Variants in CALCB observed in about 807,000 individuals in gnomAD.
The protein encoded by CALCB is calcitonin gene-related peptide 2.
In CALCB, 8 loss-of-function variants were observed where a neutral mutation model predicts 10.7. The observed-to-expected ratio is 0.75, with a 90% confidence interval of 0.44 to 1.34. The LOEUF (loss-of-function observed/expected upper bound fraction) is 1.34, where lower values mean the gene tolerates loss of function less well. Ranked by LOEUF, CALCB falls within the 40% of genes most tolerant of loss-of-function variation. The pLI, the probability that CALCB is intolerant of heterozygous loss-of-function variation, is 0.01. For missense variants in CALCB, 176 were observed against 162.5 expected, an observed-to-expected ratio of 1.08 and a Z score of -0.45; for synonymous variants, 76 against 66.9, an observed-to-expected ratio of 1.14 and a Z score of -0.66.
intron 3 of CALCB, among the ~76,000 whole-genome samples, chr11:15,075,763 G>A (rs2133641078): frequency 6.6e-6 from 1 of 152,270 alleles, no homozygotes; most frequent in Non-Finnish European, 1.5e-5. Flanking sequence ...CAAGCTCTGT[G>A]GAGATGTGCA....
chr11:15,074,467 A>G (rs546385645), intron 1 of CALCB, among the ~76,000 whole-genome samples: 5 of 152,292 alleles, frequency 3.3e-5, no homozygotes, highest in Admixed American at 6.5e-5. Context: ...CTTCAACAAA[A>G]CAGAACCAAA....
chr11:15,073,959 C>A (rs961346216), intron 1 of CALCB, among the ~76,000 whole-genome samples: 1 of 152,246 alleles, frequency 6.6e-6, no homozygotes, highest in Non-Finnish European at 1.5e-5. Flanking sequence ...CCTGGCTGAG[C>A]GCAGGATTCT....
chr11:15,077,265 T>C, intron 3 of CALCB, 21 bp from the exon 4 acceptor site: 1 of 1,612,064 alleles, frequency 6.2e-7, no homozygotes, highest in Admixed American at 1.7e-5. Context: ...TCTTCTCTTC[T>C]TTCTCTATCT....
chr11:15,074,606 G>T, intron 1 of CALCB, 104 bp from the exon 2 acceptor site: 1 of 807,050 alleles, frequency 1.2e-6, no homozygotes. Flanking sequence ...AGAGGCTCAG[G>T]CAGCTGAAGT....
At chr11:15,077,153 C>T (rs1850402735) in intron 3 of CALCB, 133 bp from the exon 4 acceptor site, 1 of 938,828 alleles carries the variant, frequency 1.1e-6, no homozygotes, top group African/African-American at 1.6e-5. Flanking sequence ...CCCCTAACAG[C>T]TTTGATAATT....
chr11:15,074,375 G>A (rs1850374849), intron 1 of CALCB, among the ~76,000 whole-genome samples: 1 of 152,238 alleles, frequency 6.6e-6, no homozygotes, highest in African/African-American at 2.4e-5. Context: ...TCTACAGCAA[G>A]GTGCGTCCAC....
At position 15,074,565 on chromosome 11, in the gene CALCB, C is replaced by A. The variant is rs1850376379; in HGVS notation, c.-9-145C>A. ...TCACTGCAATGTGTCTCTTGAGATT[C>A]ACAGCAGCCCTTCCTGCAAATGAAG... is the stretch of plus-strand genomic sequence containing the variant. On this transcript the variant is annotated intron_variant, in intron 1 of 4. Transcript: ENST00000324229. The A allele has an allele frequency of 6.3e-6, 4 of 631,396 alleles. No individual in the cohort carries two copies. In the Admixed American group the frequency reaches 9.0e-5, roughly 14 times the overall value. The allele number at this position is 631,396 out of a possible 1,614,324, so 39.1% of individuals were successfully genotyped here.
rs376225126 is a variant in CALCB at position 15,075,027 on chromosome 11, C to T, written c.87-34C>T. On this transcript the variant is annotated intron_variant, in intron 2 of 4. Coordinates refer to ENST00000324229, the MANE Select transcript of CALCB (RefSeq NM_000728.4). ...TCCTGGGGAGGGTCAGTCAGGGGCT[C>T]ACAGCCTGCAAGGAGTTTGCTTCCC... 18 of 1,613,056 alleles carry T rather than the reference C, an allele frequency of 1.1e-5. No individual in the cohort carries two copies. In the African/African-American group the frequency reaches 2.4e-4, roughly 22 times the overall value.
At chr11:15,074,045 C>A (rs914881530) in intron 1 of CALCB, among the ~76,000 whole-genome samples, 1 of 152,232 alleles carries the variant, frequency 6.6e-6, no homozygotes, top group African/African-American at 2.4e-5. Flanking sequence ...AGGTCGGAAC[C>A]CTGAGCTTTC....
rs756345561 is a variant in CALCB, at chr11:15,074,771, A to G, written c.53A>G (p.Tyr18Cys). 1.2e-6 allele frequency: 2 copies of G among 1,614,032 alleles called. No individual in the cohort carries two copies. Among genetic ancestry groups the G allele is most frequent in the South Asian group, 2.2e-5 (2 of 91,068 alleles). Residue 18 changes from tyrosine (Y) to cysteine (C), a missense_variant, in exon 2 of 5, where the codon TAC (tyrosine) becomes TGC (cysteine). Tyr to Cys is a radical substitution (Grantham distance 194). Coordinates refer to ENST00000324229, the MANE Select transcript of CALCB (RefSeq NM_000728.4). ...CTGGCTCTCAGTATCTTGGTCCTGTACCAGGCGGGCAGCCTCCAGGCGGCG... is the reference window on the plus strand; with the variant it reads ...CTGGCTCTCAGTATCTTGGTCCTGTGCCAGGCGGGCAGCCTCCAGGCGGCG... ...PFLALSILVLYQAGSLQAAPF... is the reference protein window; with the variant it reads ...PFLALSILVLCQAGSLQAAPF...
intron 1 of CALCB, among the ~76,000 whole-genome samples, chr11:15,074,330 C>T (rs556167378): frequency 1.3e-5 from 2 of 152,366 alleles, no homozygotes; most frequent in African/African-American, 4.8e-5. Context: ...TGGCGCGAAG[C>T]CCAGCAGAGG....
intron 4 of CALCB, among the ~76,000 whole-genome samples, chr11:15,077,735 G>A (rs182875448): frequency 1.5e-3 from 231 of 152,206 alleles, no homozygotes; most frequent in African/African-American, 5.0e-3. Flanking sequence ...CCTTAACCAG[G>A]GCCAGTCTTC....
chr11:15,078,187 A>G lies in CALCB; in HGVS notation c.*130A>G, dbSNP rs1850412738. ...CATGTTTGCATCCTAAGATACTGAA[A>G]AAAGGGCACCTTTGTCACTTGAAAG... is the stretch of plus-strand genomic sequence containing the variant. On this transcript the variant is annotated 3_prime_UTR_variant, in exon 5 of 5. Transcript: ENST00000324229. The G allele has an allele frequency of 6.6e-6, 1 of 152,218 alleles. No individual in the cohort carries two copies. The highest frequency in any genetic ancestry group is 2.4e-5 in the African/African-American group (1 of 41,458). 9.4% of individuals were successfully genotyped at this position (152,218 alleles called of 1,614,324 possible). A position where few individuals can be genotyped will look rare whatever the true frequency, so the allele number is the denominator to read the frequency against.
In CALCB at chr11:15,074,789, A is replaced by C; in HGVS notation, c.71A>C (p.Gln24Pro). The C allele has an allele frequency of 6.2e-7, 1 of 1,613,808 alleles. No individual in the cohort carries two copies. The highest frequency in any genetic ancestry group is 8.5e-7 in the Non-Finnish European group (1 of 1,179,832). ...ILVLYQAGSL[Q>P]AAPFRSALES... ...GTCCTGTACCAGGCGGGCAGCCTCC[A>C]GGCGGCGCCATTCAGGTGAGACAGC... Residue 24 changes from glutamine to proline, a missense_variant, in exon 2 of 5, where the codon CAG becomes CCG. Physicochemically the swap from Gln to Pro is moderately conservative, Grantham distance 76. Transcript: ENST00000324229.
rs751008149 is a variant in CALCB at position 15,077,237 on chromosome 11, C to T, written c.225-49C>T. 2.5e-6 allele frequency: 4 copies of T among 1,600,032 alleles called. No homozygotes were observed. The African/African-American group carries it at 4.0e-5, about 16-fold the overall frequency. ...GTTCTCTTCATGAAGGCTCCTCCCC[C>T]AGCTTTTCACTCACAGGTCTTCTCT... On this transcript the variant is annotated intron_variant, in intron 3 of 4. Coordinates refer to ENST00000324229, the MANE Select transcript of CALCB (RefSeq NM_000728.4).
In CALCB at chr11:15,077,376, G is replaced by A; in HGVS notation, c.315G>A (p.Lys105=). ...GLLSRSGGMV[K]SNFVPTNVGS... ...TGAGCAGATCAGGGGGCATGGTGAA[G>A]AGCAACTTCGTGCCCACCAATGTGG... Residue 105 remains lysine (K), a synonymous_variant, in exon 4 of 5, where the codon AAG becomes AAA. Transcript: ENST00000324229. 1 of 1,614,262 alleles carries A rather than the reference G, an allele frequency of 6.2e-7. No homozygotes were observed. The highest frequency in any genetic ancestry group is 8.5e-7 in the Non-Finnish European group (1 of 1,180,050).
intron 4 of CALCB, 57 bp downstream of exon 4, chr11:15,077,527 C>T: frequency 1.3e-6 from 2 of 1,537,388 alleles, no homozygotes; most frequent in Non-Finnish European, 1.8e-6. Context: ...TTAAAACCTA[C>T]ATTTTGAAAA....
rs1850414022 is a variant in CALCB, at chr11:15,078,354, A to T, written c.*297A>T. 1 of 152,168 alleles carries T rather than the reference A, an allele frequency of 6.6e-6. No individual in the cohort carries two copies. Among genetic ancestry groups the T allele is most frequent in the Admixed American group, 6.6e-5 (1 of 15,262 alleles). The allele number at this position is 152,168 out of a possible 1,614,324, so 9.4% of individuals were successfully genotyped here. A position where few individuals can be genotyped will look rare whatever the true frequency, so the allele number is the denominator to read the frequency against. On this transcript the variant is annotated 3_prime_UTR_variant, in exon 5 of 5. Coordinates refer to ENST00000324229, the MANE Select transcript of CALCB (RefSeq NM_000728.4). ...TGGTTCTTTCGGAGCCATCCTGTTG[A>T]TCATGCAGCTCCACCAAACCTTAGG... is the stretch of plus-strand genomic sequence containing the variant.
At position 15,075,024 on chromosome 11, in the gene CALCB, G is replaced by C. The variant is rs766230982; in HGVS notation, c.87-37G>C. 3 of 1,612,554 alleles carry C rather than the reference G, an allele frequency of 1.9e-6. No individual in the cohort carries two copies. The East Asian group carries it at 6.7e-5, about 36-fold the overall frequency. ...CTATCCTGGGGAGGGTCAGTCAGGGGCTCACAGCCTGCAAGGAGTTTGCTT... is the reference window on the plus strand; with the variant it reads ...CTATCCTGGGGAGGGTCAGTCAGGGCCTCACAGCCTGCAAGGAGTTTGCTT... On this transcript the variant is annotated intron_variant, in intron 2 of 4. Transcript: ENST00000324229.
Sources: gnomAD v4.1 joint callset for allele counts (sites outside exome capture counted in the v4.1 genomes callset) on GRCh38, gnomAD v4.1.1 for gene constraint, MANE v1.5 for transcripts, NCBI Gene and HGNC (gene_info 2026-07-23, HGNC 2026-07-21) for gene names.